The following SNAPC3 variants were observed in gnomAD, a reference collection of about 807,000 sequenced individuals.
SNAPC3 encodes the protein small nuclear RNA activating complex polypeptide 3, also known as snRNA-activating protein complex subunit 3.
In SNAPC3, 56 loss-of-function variants were observed where a neutral mutation model predicts 47.7. The ratio of observed to expected loss-of-function variants is 1.18; its 90% confidence interval spans 0.95 to 1.47. The LOEUF is 1.47. Ranked by LOEUF, SNAPC3 falls within the 40% of genes most tolerant of loss-of-function variation. The pLI, the probability that SNAPC3 is intolerant of heterozygous loss-of-function variation, is 0.00. For synonymous variants in SNAPC3, 235 were observed against 189.9 expected (o/e 1.24, Z -1.95); for missense variants, 665 against 511.3 (o/e 1.30, Z -2.90).
chr9:15,464,259 T>G (rs2035456397), downstream of SNAPC3: 3 of 193,332 alleles, frequency 1.6e-5, no homozygotes, highest in Admixed American at 1.8e-4. Context: ...ATTCTGTAGA[T>G]GAAAACAGTT....
intron 1 of SNAPC3, 67 bp downstream of exon 1, chr9:15,423,260 C>G (rs185709921): frequency 7.0e-7 from 1 of 1,423,740 alleles, no homozygotes; most frequent in Admixed American, 2.8e-5. Context: ...CTCGTGCGCT[C>G]CTCTGGGACT....
In SNAPC3 at chr9:15,427,204, A is replaced by G. The variant is rs577810600; in HGVS notation, c.392+3218A>G. On this transcript the variant is annotated intron_variant, in intron 2 of 8. Coordinates refer to ENST00000380821, the MANE Select transcript of SNAPC3 (RefSeq NM_001039697.2). ...GCTCCCTTAATCTATAGCAAACTAC[A>G]TAGCTTTGGCAGTTTTGACATTTTT... Among the ~76,000 whole-genome samples, 5 of 152,316 alleles carry G rather than the reference A, an allele frequency of 3.3e-5. No homozygotes were observed. The South Asian group carries it at 6.2e-4, about 19-fold the overall frequency.
intron 3 of SNAPC3, among the ~76,000 whole-genome samples, chr9:15,441,383 C>CTTTTTTTTTTTTTT (rs77103785): frequency 2.4e-3 from 140 of 59,484 alleles, no homozygotes; most frequent in Admixed American, 3.4e-3. Flanking sequence ...GTTCCCTTTT[C>CTTTTTTTTTTTTTT]TTTTTTTTTT....
rs1414593790 is a variant in SNAPC3, at chr9:15,453,100, G to C, written c.875G>C (p.Arg292Thr). The change falls in exon 7 of 9, where the codon AGA becomes ACA. Residue 292 changes from arginine to threonine, a missense_variant. Arg to Thr is a moderately conservative substitution (Grantham distance 71). Coordinates refer to ENST00000380821, the MANE Select transcript of SNAPC3 (RefSeq NM_001039697.2). The stretch of plus-strand genomic sequence containing the variant: ...GGCTATGGAAAGTTTCAGACTGCTA[G>C]AATGGAAGATTTCACCTTCAATGAC... ...DRGYGKFQTARMEDFTFNDLC... is the reference protein window; with the variant it reads ...DRGYGKFQTATMEDFTFNDLC... 3 of 1,613,182 alleles carry C rather than the reference G, an allele frequency of 1.9e-6. No individual in the cohort carries two copies. The South Asian group carries it at 3.3e-5, about 18-fold the overall frequency.
chr9:15,426,306 C>T (rs2031390119), intron 2 of SNAPC3, among the ~76,000 whole-genome samples: 1 of 152,144 alleles, frequency 6.6e-6, no homozygotes, highest in African/African-American at 2.4e-5. Flanking sequence ...TCTACTCATC[C>T]TGCAAGTCTT....
In SNAPC3 at chr9:15,437,024, C is replaced by T. The variant is rs534068316; in HGVS notation, c.477+3388C>T. Among the ~76,000 whole-genome samples the T allele has an allele frequency of 2.0e-5, 3 of 151,572 alleles. No individual in the cohort carries two copies. The East Asian group carries it at 5.8e-4, about 30-fold the overall frequency. Reference sequence around the variant, plus strand: ...ATTTTTAATATAGATGGGGTTTCTCCGTGTTGGCCAAACTGGTCTCCAACT... The same window carrying T: ...ATTTTTAATATAGATGGGGTTTCTCTGTGTTGGCCAAACTGGTCTCCAACT... On this transcript the variant is annotated intron_variant, in intron 3 of 8. Transcript: ENST00000380821.
intron 2 of SNAPC3, among the ~76,000 whole-genome samples, chr9:15,429,013 A>C: frequency 6.6e-6 from 1 of 152,196 alleles, no homozygotes; most frequent in East Asian, 1.9e-4. Flanking sequence ...GGTACCTGGA[A>C]AAATTAACCC....
intron 3 of SNAPC3, among the ~76,000 whole-genome samples, chr9:15,442,464 G>T (rs2033535741): frequency 1.3e-5 from 2 of 151,216 alleles, no homozygotes; most frequent in African/African-American, 4.9e-5. Context: ...CGGGGCGGCT[G>T]CTGGGCGGAG....
chr9:15,440,641 C>CATAG (rs1344131738), intron 3 of SNAPC3, among the ~76,000 whole-genome samples: 1 of 152,158 alleles, frequency 6.6e-6, no homozygotes, highest in African/African-American at 2.4e-5. Context: ...ATCTAGGCTA[C>CATAG]ATAGATAGAT....
intron 3 of SNAPC3, among the ~76,000 whole-genome samples, chr9:15,437,725 C>T (rs1391615722): frequency 1.3e-5 from 2 of 151,248 alleles, no homozygotes; most frequent in Admixed American, 1.3e-4. Context: ...AAATAAATTC[C>T]ACTTGGTTGT....
chr9:15,433,744 T>C, intron 3 of SNAPC3, 108 bp downstream of exon 3: 1 of 640,346 alleles, frequency 1.6e-6, no homozygotes, highest in Non-Finnish European at 2.6e-6. Context: ...ATATGCTTAG[T>C]TGAAAACAAA....
intron 4 of SNAPC3, among the ~76,000 whole-genome samples, chr9:15,445,215 G>A (rs1234452123): frequency 1.3e-5 from 2 of 152,138 alleles, no homozygotes; most frequent in Non-Finnish European, 2.9e-5. Context: ...ACAATCTCTC[G>A]ATCCAGTAGG....
At chr9:15,448,813 C>G (rs1474561650) in intron 5 of SNAPC3, among the ~76,000 whole-genome samples, 2 of 151,864 alleles carry the variant, frequency 1.3e-5, no homozygotes, top group African/African-American at 4.8e-5. Flanking sequence ...CGAGATTTAT[C>G]TTTTTCTTTC....
At chr9:15,458,579 G>T (rs890857121) in intron 8 of SNAPC3, among the ~76,000 whole-genome samples, 3 of 152,086 alleles carry the variant, frequency 2.0e-5, no homozygotes, top group Non-Finnish European at 2.9e-5. Context: ...TACATCACAT[G>T]AAGTTAAAAT....
At chr9:15,453,307 TAAC>T in intron 7 of SNAPC3, 102 bp downstream of exon 7, 1 of 897,672 alleles carries the variant, frequency 1.1e-6, no homozygotes, top group Non-Finnish European at 1.7e-6. Flanking sequence ...GTAAAAGTAA[TAAC>T]CATTGCAACT....
At chr9:15,431,506 A>T (rs1310086414) in intron 2 of SNAPC3, among the ~76,000 whole-genome samples, 1 of 151,838 alleles carries the variant, frequency 6.6e-6, no homozygotes, top group East Asian at 1.9e-4. Context: ...TTGAACTCAG[A>T]TTGATACAGG....
At chr9:15,457,719 A>T (rs1253233582) in intron 7 of SNAPC3, among the ~76,000 whole-genome samples, 1 of 152,226 alleles carries the variant, frequency 6.6e-6, no homozygotes, top group African/African-American at 2.4e-5. Context: ...ATTACCATAA[A>T]GGGATTTGAG....
chr9:15,457,069 G>T (rs2034851921), intron 7 of SNAPC3, among the ~76,000 whole-genome samples: 2 of 152,240 alleles, frequency 1.3e-5, no homozygotes, highest in Non-Finnish European at 2.9e-5. Flanking sequence ...CTGATTAGTG[G>T]CAGAGTAGAG....
chr9:15,428,309 C>G (rs1199401586), intron 2 of SNAPC3, among the ~76,000 whole-genome samples: 1 of 151,664 alleles, frequency 6.6e-6, no homozygotes, highest in Non-Finnish European at 1.5e-5. Flanking sequence ...TTATACAGAT[C>G]AACTTTGGAG....
Sources: allele counts gnomAD v4.1 joint callset (sites outside exome capture counted in the v4.1 genomes callset), GRCh38; gene constraint gnomAD v4.1.1; transcripts MANE v1.5; gene names NCBI Gene and HGNC (gene_info 2026-07-23, HGNC 2026-07-21).